MASTL: variants seen among roughly 807,000 people sequenced by gnomAD.
The protein encoded by MASTL is serine/threonine-protein kinase greatwall.
MASTL carries 54 observed loss-of-function variants against 82.5 expected under a neutral mutation model. That is an observed-to-expected ratio of 0.65 (90% CI 0.53 to 0.82). The LOEUF (loss-of-function observed/expected upper bound fraction) is 0.82. Among genes scored for constraint, MASTL ranks in the 40% least tolerant of loss-of-function variants. The pLI, the probability that MASTL is intolerant of heterozygous loss-of-function variation, is 0.00. For synonymous variants in MASTL, 323 were observed against 368.9 expected (o/e 0.88, Z 1.43); for missense variants, 950 against 1,047.8 (o/e 0.91, Z 1.29).
chr10:27,156,933 C>G (rs2057409638), intron 1 of MASTL, among the ~76,000 whole-genome samples: 1 of 151,364 alleles, frequency 6.6e-6, no homozygotes, highest in African/African-American at 2.4e-5. Flanking sequence ...CTCAGCCTCC[C>G]GAGTAGTTGG....
intron 9 of MASTL, among the ~76,000 whole-genome samples, chr10:27,175,504 A>G (rs1436071139): frequency 6.6e-6 from 1 of 152,150 alleles, no homozygotes; most frequent in East Asian, 1.9e-4. Context: ...CTTAATGGGC[A>G]CCAGTGATTT....
In MASTL at chr10:27,186,625, G is replaced by A; in HGVS notation, c.*89G>A. Reference sequence around the variant, plus strand: ...CTTAATACTAGATTGATCTAAGGGGGAAAGATCATTATTTAACCTAGTTCA... The same window carrying A: ...CTTAATACTAGATTGATCTAAGGGGAAAAGATCATTATTTAACCTAGTTCA... On this transcript the variant is annotated 3_prime_UTR_variant, in exon 12 of 12. Coordinates refer to ENST00000375940, the MANE Select transcript of MASTL (RefSeq NM_001172303.3). 8.4e-7 allele frequency: 1 copy of A among 1,185,604 alleles called. No individual in the cohort carries two copies. The highest frequency in any genetic ancestry group is 1.3e-6 in the Non-Finnish European group (1 of 791,590). 73.4% of individuals were successfully genotyped at this position (1,185,604 alleles called of 1,614,324 possible).
chr10:27,174,093 G>A (rs2058031162), intron 9 of MASTL, among the ~76,000 whole-genome samples: 2 of 151,882 alleles, frequency 1.3e-5, no homozygotes, highest in Admixed American at 6.6e-5. Context: ...GGTGGCTCAC[G>A]CCTGTAATCC....
chr10:27,160,999 G>T, intron 3 of MASTL, 95 bp from the exon 4 acceptor site: 1 of 814,560 alleles, frequency 1.2e-6, no homozygotes, highest in East Asian at 2.5e-5. Flanking sequence ...GAAATAAATA[G>T]GGTTTGCCTC....
intron 4 of MASTL, among the ~76,000 whole-genome samples, chr10:27,161,611 T>G (rs776639557): frequency 3.9e-5 from 6 of 152,186 alleles, no homozygotes; most frequent in Admixed American, 3.3e-4. Flanking sequence ...ACTGTTTTCT[T>G]TGTTAGTTTA....
chr10:27,183,481 C>T (rs2058446982), intron 11 of MASTL, among the ~76,000 whole-genome samples: 1 of 151,962 alleles, frequency 6.6e-6, no homozygotes, highest in African/African-American at 2.4e-5. Context: ...GATGGGGTTT[C>T]ACCATGTTGG....
chr10:27,168,346 T>C (rs916236806), intron 7 of MASTL, among the ~76,000 whole-genome samples: 1 of 152,202 alleles, frequency 6.6e-6, no homozygotes, highest in Admixed American at 6.5e-5. Flanking sequence ...TTTCAAATTA[T>C]ACACAGCTTT....
At chr10:27,156,619 C>T (rs2057390948) in intron 1 of MASTL, among the ~76,000 whole-genome samples, 1 of 152,038 alleles carries the variant, frequency 6.6e-6, no homozygotes, top group Non-Finnish European at 1.5e-5. Context: ...CCTGTCTCAG[C>T]CTCCCGAGTA....
At chr10:27,156,560 T>A (rs1322414009) in intron 1 of MASTL, among the ~76,000 whole-genome samples, 1 of 152,160 alleles carries the variant, frequency 6.6e-6, no homozygotes, top group Non-Finnish European at 1.5e-5. Context: ...AGTGCTGTGG[T>A]GCAGTCTCGG....
chr10:27,171,534 C>T (rs535584106), intron 8 of MASTL, among the ~76,000 whole-genome samples: 219 of 150,388 alleles, frequency 1.5e-3, no homozygotes, highest in Middle Eastern at 3.4e-3. Flanking sequence ...CAGGTTCAAG[C>T]GATTCTCCTG....
rs749431813 is a variant in MASTL, at chr10:27,170,367, C to T, written c.1408C>T (p.His470Tyr). 3 of 1,613,518 alleles carry T rather than the reference C, an allele frequency of 1.9e-6. No individual in the cohort carries two copies. In the African/African-American group the frequency reaches 4.0e-5, roughly 22 times the overall value. ...QNKKTCVEYKHNEMTNCYTNQ... is the reference protein window; with the variant it reads ...QNKKTCVEYKYNEMTNCYTNQ... The stretch of plus-strand genomic sequence containing the variant: ...TAAAAAAACTTGTGTAGAGTATAAG[C>T]ATAACGAAATGACAAATTGTTATAC... The change falls in exon 8 of 12, where the codon CAT becomes TAT. Residue 470 changes from histidine (H) to tyrosine (Y), a missense_variant. Transcript: ENST00000375940.
In MASTL at chr10:27,181,601, C is replaced by G. The variant is rs778512877; in HGVS notation, c.2482+20C>G. The G allele has an allele frequency of 2.6e-6, 4 of 1,531,646 alleles. No individual in the cohort carries two copies. Among genetic ancestry groups the G allele is most frequent in the Non-Finnish European group, 3.6e-6 (4 of 1,107,092 alleles). 94.9% of individuals were successfully genotyped at this position (1,531,646 alleles called of 1,614,324 possible). On this transcript the variant is annotated intron_variant, in intron 11 of 11. Transcript: ENST00000375940. ...TGAAAGGTATGGTTTTGTGTTAATA[C>G]ATTGTTTTACCATTGATTTTTTGCA...
intron 8 of MASTL, among the ~76,000 whole-genome samples, chr10:27,172,385 G>A (rs546442388): frequency 6.6e-6 from 1 of 152,280 alleles, no homozygotes; most frequent in East Asian, 1.9e-4. Flanking sequence ...TGTTGTGAAT[G>A]CCAGGCGTGG....
chr10:27,156,720 A>T (rs1271688816), intron 1 of MASTL, among the ~76,000 whole-genome samples: 1 of 149,172 alleles, frequency 6.7e-6, no homozygotes, highest in Admixed American at 6.7e-5. Context: ...TGTTTTGGTT[A>T]TGTTGGCCAG....
chr10:27,165,715 G>T (rs541963342), intron 6 of MASTL, among the ~76,000 whole-genome samples, 176 bp downstream of exon 6: 7 of 151,824 alleles, frequency 4.6e-5, no homozygotes, highest in African/African-American at 1.2e-4. Flanking sequence ...TTCAAGACCA[G>T]CCTGGGCAAC....
chr10:27,180,988 T>G lies in MASTL; in HGVS notation c.2302T>G (p.Leu768Val), dbSNP rs1400627610. ...AGACTGGTGGGCACTTGGAGTTTGC[T>G]TGTTTGAATTTCTAACAGGAATTCC... ...AVDWWALGVCLFEFLTGIPPF... is the reference protein window; with the variant it reads ...AVDWWALGVCVFEFLTGIPPF... Residue 768 changes from leucine to valine, a missense_variant, in exon 10 of 12, where the codon TTG becomes GTG. Transcript: ENST00000375940. The G allele has an allele frequency of 1.2e-6, 2 of 1,613,668 alleles. No individual in the cohort carries two copies. The highest frequency in any genetic ancestry group is 1.7e-6 in the Non-Finnish European group (2 of 1,179,628).
rs1293345347 is a variant in MASTL at position 27,181,572 on chromosome 10, G to A, written c.2473G>A (p.Gly825Arg). ...AACCATTGATGATACAAAGAGAGCT[G>A]GAATGAAAGGTATGGTTTTGTGTTA... Reference protein sequence around the residue: ...LLTIDDTKRAGMKELKRHPLF... With the variant: ...LLTIDDTKRARMKELKRHPLF... The change falls in exon 11 of 12, where the codon GGA becomes AGA. Residue 825 changes from glycine (G) to arginine (R), a missense_variant. Physicochemically the swap from Gly to Arg is moderately radical, Grantham distance 125. Transcript: ENST00000375940. 1.9e-6 allele frequency: 3 copies of A among 1,601,954 alleles called. No homozygotes were observed. Among genetic ancestry groups the A allele is most frequent in the East Asian group, 2.2e-5 (1 of 44,696 alleles).
intron 9 of MASTL, 26 bp from the exon 10 acceptor site, chr10:27,180,927 T>G (rs2058255091): frequency 7.2e-7 from 1 of 1,388,390 alleles, no homozygotes; most frequent in African/African-American, 1.4e-5. Flanking sequence ...TGCTTGCAAC[T>G]TTAGCTGTTT....
chr10:27,179,070 T>G (rs1361714968), intron 9 of MASTL, among the ~76,000 whole-genome samples: 1 of 152,162 alleles, frequency 6.6e-6, no homozygotes, highest in Non-Finnish European at 1.5e-5. Flanking sequence ...AGTAAAGAAT[T>G]TTGTGAAGTT....
Sources: allele counts gnomAD v4.1 joint callset (sites outside exome capture counted in the v4.1 genomes callset), GRCh38; gene constraint gnomAD v4.1.1; transcripts MANE v1.5; gene names NCBI Gene and HGNC (gene_info 2026-07-23, HGNC 2026-07-21).